Variants in WWOX observed in about 807,000 individuals in gnomAD.
WWOX encodes the protein WW domain containing oxidoreductase.
WWOX carries 69 observed loss-of-function variants against 46.2 expected under a neutral mutation model. That is an observed-to-expected ratio of 1.49 (90% CI 1.23 to 1.82). WWOX has a LOEUF of 1.82. Ranked by LOEUF, WWOX falls within the 40% of genes most tolerant of loss-of-function variation. The probability of loss-of-function intolerance (pLI) is 0.00; values close to 1 mark genes in which losing one functional copy is unlikely to be tolerated. For missense variants in WWOX, 919 were observed against 542.6 expected, an observed-to-expected ratio of 1.69 and a Z score of -6.89; for synonymous variants, 359 against 202.6, an observed-to-expected ratio of 1.77 and a Z score of -6.56.
intron 8 of WWOX, among the ~76,000 whole-genome samples, chr16:78,830,660 G>C (rs1430164571): frequency 6.6e-6 from 1 of 151,784 alleles, no homozygotes; most frequent in African/African-American, 2.4e-5. Context: ...CAAAATTTCT[G>C]CAGCACCGAT....
chr16:78,206,117 G>GAT (rs1279254820), intron 5 of WWOX, among the ~76,000 whole-genome samples: 3 of 151,902 alleles, frequency 2.0e-5, no homozygotes, highest in African/African-American at 7.3e-5. Flanking sequence ...AGAATGTCTA[G>GAT]GCTAAGGAGT....
At chr16:79,156,327 A>C (rs1041701380) in intron 8 of WWOX, among the ~76,000 whole-genome samples, 1 of 152,102 alleles carries the variant, frequency 6.6e-6, no homozygotes. Flanking sequence ...CACTTGGCTA[A>C]TTTTTGTGCA....
At chr16:78,683,289 T>TCAGGGA (rs1567488060) in intron 8 of WWOX, among the ~76,000 whole-genome samples, 3 of 119,956 alleles carry the variant, frequency 2.5e-5, no homozygotes, top group Non-Finnish European at 5.8e-5. Flanking sequence ...GGTGGGTGGA[T>TCAGGGA]TGCCTGAGCT....
At chr16:78,871,116 G>C (rs999449072) in intron 8 of WWOX, among the ~76,000 whole-genome samples, 1 of 150,624 alleles carries the variant, frequency 6.6e-6, no homozygotes, top group Non-Finnish European at 1.5e-5. Flanking sequence ...AATATCAAAT[G>C]AATGAACAAA....
chr16:78,276,060 CAG>C (rs1236425831), intron 5 of WWOX, among the ~76,000 whole-genome samples: 4 of 152,180 alleles, frequency 2.6e-5, no homozygotes, highest in African/African-American at 9.7e-5. Context: ...GTTTCTGAGA[CAG>C]ACTGACAGTA....
chr16:79,211,779 G>T lies in WWOX; in HGVS notation c.1228G>T (p.Gly410Cys), dbSNP rs76204496. ...CGAGAGGCTGATCCAAGAACGGCTT[G>T]GCAGCCAGTCCGGCTAAGTGGAGCT... ...LSERLIQERL[G>C]SQSG The change falls in exon 9 of 9, where the codon GGC becomes TGC. Residue 410 changes from glycine (G) to cysteine (C), a missense_variant. Coordinates refer to ENST00000566780, the MANE Select transcript of WWOX (RefSeq NM_016373.4). 2.8e-4 allele frequency: 450 copies of T among 1,613,942 alleles called. 5 individuals carry two copies. In the Middle Eastern group the frequency reaches 4.0e-3, roughly 14 times the overall value.
At chr16:79,076,420 A>C (rs1344695978) in intron 8 of WWOX, among the ~76,000 whole-genome samples, 1 of 152,188 alleles carries the variant, frequency 6.6e-6, no homozygotes, top group Non-Finnish European at 1.5e-5. Context: ...TTCTGAAGCT[A>C]TTGTGAATCT....
At chr16:78,912,302 C>G (rs1359534808) in intron 8 of WWOX, among the ~76,000 whole-genome samples, 1 of 152,004 alleles carries the variant, frequency 6.6e-6, no homozygotes, top group Non-Finnish European at 1.5e-5. Flanking sequence ...AGGCACTATG[C>G]TATGCACCTT....
intron 8 of WWOX, among the ~76,000 whole-genome samples, chr16:78,440,353 G>A (rs992445270): frequency 1.3e-5 from 2 of 152,188 alleles, no homozygotes; most frequent in African/African-American, 2.4e-5. Flanking sequence ...ATGTTCTTCA[G>A]CCTAGAATAC....
intron 8 of WWOX, among the ~76,000 whole-genome samples, chr16:78,904,512 C>A (rs2044911399): frequency 6.6e-6 from 1 of 152,042 alleles, no homozygotes; most frequent in East Asian, 1.9e-4. Flanking sequence ...GCTGGGATTA[C>A]AGGCATGAGC....
Position 78,432,481 on chromosome 16 carries a change from T to G in WWOX, c.792-7T>G. 6.2e-7 allele frequency: 1 copy of G among 1,613,924 alleles called. No individual in the cohort carries two copies. Among genetic ancestry groups the G allele is most frequent in the Non-Finnish European group, 8.5e-7 (1 of 1,180,012 alleles). On this transcript the variant is annotated splice_region_variant and splice_polypyrimidine_tract_variant and intron_variant, in intron 7 of 8. Coordinates refer to ENST00000566780, the MANE Select transcript of WWOX (RefSeq NM_016373.4). The stretch of plus-strand genomic sequence containing the variant: ...GGTTGCTTCATGTCATATTTCCTAT[T>G]TTTAAGATTTACAGATATTAACGAC...
chr16:79,062,502 C>T (rs1292696297), intron 8 of WWOX, among the ~76,000 whole-genome samples: 1 of 152,142 alleles, frequency 6.6e-6, no homozygotes, highest in African/African-American at 2.4e-5. Context: ...ATGCGATTAT[C>T]CCCTGCAGAG....
chr16:78,600,761 G>C (rs1380248030), intron 8 of WWOX, among the ~76,000 whole-genome samples: 1 of 152,174 alleles, frequency 6.6e-6, no homozygotes, highest in Non-Finnish European at 1.5e-5. Flanking sequence ...AGAATTCTAG[G>C]CTTGACTTCT....
rs531073215 is a variant in WWOX, at chr16:79,126,589, A to G, written c.1057-85019A>G. 1.6e-4 allele frequency among the ~76,000 whole-genome samples: 25 copies of G among 152,254 alleles called. No individual in the cohort carries two copies. In the South Asian group the frequency reaches 5.2e-3, roughly 32 times the overall value. On this transcript the variant is annotated intron_variant, in intron 8 of 8. Coordinates refer to ENST00000566780, the MANE Select transcript of WWOX (RefSeq NM_016373.4). Reference sequence around the variant, plus strand: ...TAAGTTTCCTGAGGCCTCCCCAGTCATGTGAAACGGTGAGTCAATTAAACC... The same window carrying G: ...TAAGTTTCCTGAGGCCTCCCCAGTCGTGTGAAACGGTGAGTCAATTAAACC...
At chr16:79,168,747 C>G (rs1175735305) in intron 8 of WWOX, among the ~76,000 whole-genome samples, 1 of 152,154 alleles carries the variant, frequency 6.6e-6, no homozygotes, top group Non-Finnish European at 1.5e-5. Context: ...TAAACCAAGT[C>G]CCAGGAAAGT....
chr16:78,858,138 G>GTGGGTT, intron 8 of WWOX, among the ~76,000 whole-genome samples: 1 of 95,844 alleles, frequency 1.0e-5, no homozygotes, highest in Admixed American at 1.2e-4. Flanking sequence ...TACATACATT[G>GTGGGTT]TGTGTTTGTG....
intron 8 of WWOX, among the ~76,000 whole-genome samples, chr16:79,198,807 A>G (rs1441169658): frequency 6.6e-6 from 1 of 152,246 alleles, no homozygotes. Flanking sequence ...ACTTAATGTG[A>G]ACCAGAAACC....
rs573488326 is a variant in WWOX, at chr16:78,798,332, C to A, written c.1056+365580C>A. Among the ~76,000 whole-genome samples the A allele has an allele frequency of 4.6e-5, 7 of 152,196 alleles. No individual in the cohort carries two copies. In the East Asian group the frequency reaches 1.4e-3, roughly 29 times the overall value. ...GAGAGAGAAAAAAAAAGAAAAAAAT[C>A]TTGCCTTTCCCTAGCTAGAGGTCAG... On this transcript the variant is annotated intron_variant, in intron 8 of 8. Transcript: ENST00000566780.
rs555959214 is a variant in WWOX, at chr16:78,928,046, AT to A, written c.1057-283561del. ...TAGAATGCATAAACAAACAAAAAAA[AT>A]ATCATACTCTCAGATCCTGGATACT... On this transcript the variant is annotated intron_variant, in intron 8 of 8. Coordinates refer to ENST00000566780, the MANE Select transcript of WWOX (RefSeq NM_016373.4). 8.4e-4 allele frequency among the ~76,000 whole-genome samples: 128 copies of A among 152,198 alleles called. 1 individual carries two copies. Among genetic ancestry groups the A allele is most frequent in the Middle Eastern group, 3.4e-3 (1 of 294 alleles).
Sources: gnomAD v4.1 joint callset for allele counts (sites outside exome capture counted in the v4.1 genomes callset) on GRCh38, gnomAD v4.1.1 for gene constraint, MANE v1.5 for transcripts, NCBI Gene and HGNC (gene_info 2026-07-23, HGNC 2026-07-21) for gene names.